The following LRRK1 variants were observed in gnomAD, a reference collection of about 807,000 sequenced individuals.
LRRK1 encodes the protein leucine rich repeat kinase 1.
A neutral mutation model predicts 209.1 loss-of-function variants in LRRK1; 113 were observed. The ratio of observed to expected loss-of-function variants is 0.54; its 90% CI spans 0.46 to 0.63. The LOEUF is 0.63. LRRK1 is among the 30% of genes least tolerant of loss of function. The probability of loss-of-function intolerance (pLI) is 0.00; values close to 1 mark genes in which losing one functional copy is unlikely to be tolerated. For missense variants in LRRK1, 2,284 were observed against 2,632.2 expected (o/e 0.87, Z 2.89); for synonymous variants, 1,144 against 1,099.7 (o/e 1.04, Z -0.80).
chr15:100,932,969 A>G (rs761440389), intron 2 of LRRK1, among the ~76,000 whole-genome samples: 10 of 152,172 alleles, frequency 6.6e-5, no homozygotes, highest in Non-Finnish European at 1.5e-4. Context: ...GGAGCCCTGG[A>G]GATGAGAATC....
At chr15:100,983,066 G>T (rs574246996) in intron 3 of LRRK1, among the ~76,000 whole-genome samples, 3 of 152,258 alleles carry the variant, frequency 2.0e-5, no homozygotes, top group Non-Finnish European at 4.4e-5. Flanking sequence ...TCCCAGCTAC[G>T]CAGGAAGCTG....
chr15:100,993,010 G>A (rs1250025849), intron 6 of LRRK1, among the ~76,000 whole-genome samples: 1 of 152,142 alleles, frequency 6.6e-6, no homozygotes, highest in African/African-American at 2.4e-5. Flanking sequence ...GTTAAAGCAA[G>A]GCCTTGGCAT....
intron 31 of LRRK1, among the ~76,000 whole-genome samples, chr15:101,063,665 A>G (rs998236493): frequency 2.1e-5 from 3 of 142,188 alleles, no homozygotes; most frequent in African/African-American, 7.4e-5. Context: ...CAGTTTGCCC[A>G]TCTACAAAAC....
chr15:101,015,988 CTTTT>C (rs112045047), intron 12 of LRRK1, among the ~76,000 whole-genome samples: 3 of 143,298 alleles, frequency 2.1e-5, no homozygotes, highest in Non-Finnish European at 3.1e-5. Context: ...TCTTCCTCTT[CTTTT>C]TTTTTTTTTT....
At position 101,072,624 on chromosome 15, in the gene LRRK1, C is replaced by T. The variant is rs1438225151; in HGVS notation, c.*3776C>T. On this transcript the variant is annotated 3_prime_UTR_variant, in exon 34 of 34. Transcript: ENST00000388948. The stretch of plus-strand genomic sequence containing the variant: ...CGCCTTAACTGATGACATTCCACCA[C>T]AAAAGAAGTGAAAAAGGCCGGTCCT... The T allele has an allele frequency of 6.4e-6, 1 of 155,566 alleles. No homozygotes were observed. The highest frequency in any genetic ancestry group is 1.4e-5 in the Non-Finnish European group (1 of 70,760). 9.6% of individuals were successfully genotyped at this position (155,566 alleles called of 1,614,324 possible).
At chr15:101,049,461 G>C (rs778343334) in intron 22 of LRRK1, 183 bp from the exon 23 acceptor site, 6 of 583,264 alleles carry the variant, frequency 1.0e-5, no homozygotes, top group Non-Finnish European at 1.7e-5. Context: ...GGCCAGGTCC[G>C]GGGCAAGAAC....
chr15:100,987,155 T>C (rs1313172542), intron 4 of LRRK1, among the ~76,000 whole-genome samples: 1 of 152,220 alleles, frequency 6.6e-6, no homozygotes, highest in Non-Finnish European at 1.5e-5. Context: ...TACTTGGCAC[T>C]GGCTCCAGCC....
intron 2 of LRRK1, among the ~76,000 whole-genome samples, chr15:100,926,630 T>G (rs1261846637): frequency 6.6e-6 from 1 of 151,784 alleles, no homozygotes; most frequent in Non-Finnish European, 1.5e-5. Context: ...GCATGGGTAA[T>G]TTTTTCTTTT....
chr15:100,988,819 T>G lies in LRRK1; in HGVS notation c.613+6T>G. The G allele has an allele frequency of 6.3e-7, 1 of 1,589,454 alleles. No homozygotes were observed. Among genetic ancestry groups the G allele is most frequent in the Non-Finnish European group, 8.6e-7 (1 of 1,164,092 alleles). ...GTATGCGGCCATCAAGTCAGGTGGG[T>G]TTCCCCACTACCCTGAGTCAACCCT... On this transcript the variant is annotated splice_donor_region_variant and intron_variant, in intron 5 of 33. Coordinates refer to ENST00000388948, the MANE Select transcript of LRRK1 (RefSeq NM_024652.6).
chr15:100,982,329 A>G (rs1455481514), intron 3 of LRRK1, among the ~76,000 whole-genome samples: 5 of 152,214 alleles, frequency 3.3e-5, no homozygotes, highest in African/African-American at 7.2e-5. Flanking sequence ...AACGCAATCA[A>G]ACACTTGACA....
chr15:101,067,043 G>A (rs1283081717), intron 33 of LRRK1, among the ~76,000 whole-genome samples: 1 of 152,212 alleles, frequency 6.6e-6, no homozygotes, highest in Non-Finnish European at 1.5e-5. Context: ...TCGACATGCA[G>A]ATGCATCCAG....
chr15:101,052,890 G>C (rs764525752), intron 24 of LRRK1, 32 bp from the exon 25 acceptor site: 2 of 1,595,410 alleles, frequency 1.3e-6, no homozygotes, highest in Middle Eastern at 1.7e-4. Context: ...CAGGGCGGGG[G>C]GGATGTGGCT....
At chr15:101,031,361 G>A (rs966263491) in intron 20 of LRRK1, among the ~76,000 whole-genome samples, 1 of 152,146 alleles carries the variant, frequency 6.6e-6, no homozygotes. Context: ...ACAGAGTCAC[G>A]CAATATGGTC....
chr15:100,959,482 A>G (rs1237321189), intron 2 of LRRK1, among the ~76,000 whole-genome samples: 23 of 152,186 alleles, frequency 1.5e-4, no homozygotes, highest in Admixed American at 1.5e-3. Flanking sequence ...CTAGGCTAGA[A>G]GGAGGAGAAT....
chr15:100,930,581 G>A (rs1346758562), intron 2 of LRRK1, among the ~76,000 whole-genome samples: 1 of 152,190 alleles, frequency 6.6e-6, no homozygotes, highest in Non-Finnish European at 1.5e-5. Flanking sequence ...GGGTGTGCAG[G>A]GCAGCCCTAT....
At chr15:101,002,138 AT>A (rs2032724691) in intron 6 of LRRK1, among the ~76,000 whole-genome samples, 1 of 152,246 alleles carries the variant, frequency 6.6e-6, no homozygotes, top group East Asian at 1.9e-4. Context: ...TTGCACTGAT[AT>A]AAAAACATAA....
chr15:101,005,924 T>C (rs543310716), intron 6 of LRRK1, among the ~76,000 whole-genome samples: 8 of 152,280 alleles, frequency 5.3e-5, no homozygotes, highest in Admixed American at 3.9e-4. Flanking sequence ...TTAGCAAAAC[T>C]TTCTCATTGC....
intron 2 of LRRK1, among the ~76,000 whole-genome samples, chr15:100,952,796 C>T (rs982049418): frequency 2.1e-4 from 32 of 152,204 alleles, no homozygotes; most frequent in Admixed American, 2.0e-3. Flanking sequence ...ACAATTAACT[C>T]GGCTGCCTCC....
rs754682918 is a variant in LRRK1, at chr15:101,061,213, G to A, written c.4722G>A (p.Val1574=). 22 of 1,614,042 alleles carry A rather than the reference G, an allele frequency of 1.4e-5. No homozygotes were observed. Among genetic ancestry groups the A allele is most frequent in the Admixed American group, 5.0e-5 (3 of 60,004 alleles). ...ACACAGAGAAGGGCCTCATGGAGGT[G>A]CAGAGGATGTGCTGCCCTGGGATGA... ...VVNTEKGLME[V]QRMCCPGMKV... is the part of the protein sequence containing the mutation. The change falls in exon 30 of 34, where the codon GTG becomes GTA. Residue 1574 remains valine (V), a synonymous_variant. Coordinates refer to ENST00000388948, the MANE Select transcript of LRRK1 (RefSeq NM_024652.6).
Sources: gnomAD v4.1 joint callset for allele counts (sites outside exome capture counted in the v4.1 genomes callset) on GRCh38, gnomAD v4.1.1 for gene constraint, MANE v1.5 for transcripts, NCBI Gene and HGNC (gene_info 2026-07-23, HGNC 2026-07-21) for gene names.